SHOC1: variants seen among roughly 807,000 people sequenced by gnomAD.
SHOC1 encodes the protein protein shortage in chiasmata 1 ortholog.
SHOC1 carries 136 observed loss-of-function variants against 179.2 expected under a neutral mutation model. That is an observed-to-expected ratio of 0.76 (90% confidence interval 0.66 to 0.87). SHOC1 has a LOEUF of 0.87. Among genes scored for constraint, SHOC1 ranks in the 40% least tolerant of loss-of-function variants. The pLI, the probability that SHOC1 is intolerant of heterozygous loss-of-function variation, is 0.00. For synonymous variants in SHOC1, 489 were observed against 586.6 expected (o/e 0.83, Z 2.41); for missense variants, 1,538 against 1,700.8 (o/e 0.90, Z 1.68).
chr9:111,773,461 T>C (rs1589465090), intron 5 of SHOC1, among the ~76,000 whole-genome samples: 1 of 151,936 alleles, frequency 6.6e-6, no homozygotes, highest in East Asian at 1.9e-4. Context: ...TACAGGTGCC[T>C]GCCACTACGC....
At chr9:111,757,139 G>A (rs1041731327) in intron 7 of SHOC1, among the ~76,000 whole-genome samples, 6 of 152,006 alleles carry the variant, frequency 3.9e-5, no homozygotes, top group Non-Finnish European at 7.4e-5. Flanking sequence ...ATGGAGTCTC[G>A]CTCTGTCACC....
chr9:111,770,443 G>T (rs528207251), intron 5 of SHOC1, among the ~76,000 whole-genome samples: 1 of 152,180 alleles, frequency 6.6e-6, no homozygotes, highest in South Asian at 2.1e-4. Flanking sequence ...CTAAGATATG[G>T]TCTATTCTGA....
chr9:111,697,214 T>C (rs1831739679), intron 24 of SHOC1, among the ~76,000 whole-genome samples: 1 of 151,806 alleles, frequency 6.6e-6, no homozygotes, highest in Non-Finnish European at 1.5e-5. Flanking sequence ...AATTATACTT[T>C]AAGTTCTAGA....
At chr9:111,687,148 A>G (rs959005203) in intron 27 of SHOC1, among the ~76,000 whole-genome samples, 2 of 151,696 alleles carry the variant, frequency 1.3e-5, no homozygotes, top group African/African-American at 4.8e-5. Context: ...GGGTTTTGCC[A>G]TGTTGGGCAG....
rs747155259 is a variant in SHOC1, at chr9:111,708,192, ATTTTTAT to A, written c.2489-275_2489-269del. On this transcript the variant is annotated intron_variant, in intron 18 of 27. Coordinates refer to ENST00000682961, the MANE Select transcript of SHOC1 (RefSeq NM_001378211.1). ...ATTGATTAAAAACTTATTTTTGTTA[ATTTTTAT>A]TTTTTATTTTTTATTTTTTTTGAGA... 1.3e-4 allele frequency among the ~76,000 whole-genome samples: 20 copies of A among 149,660 alleles called. No individual in the cohort carries two copies. In the South Asian group the frequency reaches 2.7e-3, roughly 20 times the overall value.
chr9:111,757,382 G>A (rs1332032320), intron 7 of SHOC1, among the ~76,000 whole-genome samples: 3 of 152,300 alleles, frequency 2.0e-5, no homozygotes, highest in Admixed American at 6.5e-5. Context: ...GATCACAGGC[G>A]TGAGCCACCG....
chr9:111,704,834 A>G (rs547016708), intron 21 of SHOC1, among the ~76,000 whole-genome samples: 1 of 152,308 alleles, frequency 6.6e-6, no homozygotes, highest in South Asian at 2.1e-4. Flanking sequence ...AAAGTTCTAT[A>G]AACAAGAATA....
At chr9:111,722,923 T>C (rs988007126) in intron 14 of SHOC1, among the ~76,000 whole-genome samples, 14 of 152,116 alleles carry the variant, frequency 9.2e-5, no homozygotes, top group African/African-American at 3.4e-4. Flanking sequence ...TGCCTCAGCC[T>C]CCTGAGTAGC....
chr9:111,749,332 T>C (rs183217765), intron 8 of SHOC1, among the ~76,000 whole-genome samples: 1 of 152,260 alleles, frequency 6.6e-6, no homozygotes, highest in African/African-American at 2.4e-5. Flanking sequence ...TAAGAATTGA[T>C]CTCTCTTTTA....
chr9:111,713,208 G>A lies in SHOC1; in HGVS notation c.2416-36C>T, dbSNP rs1832632435. 9 of 1,140,062 alleles carry A rather than the reference G, an allele frequency of 7.9e-6. No homozygotes were observed. In the South Asian group the frequency reaches 1.3e-4, roughly 17 times the overall value. 70.6% of individuals were successfully genotyped at this position (1,140,062 alleles called of 1,614,324 possible). On this transcript the variant is annotated intron_variant, in intron 17 of 27. Transcript: ENST00000682961. The stretch of plus-strand genomic sequence containing the variant: ...ATAAAAATTTCATATATATGTGGAT[G>A]ATTATTCTTTTTCACAGTTTTGATA...
chr9:111,693,236 C>G (rs1043870821), intron 26 of SHOC1, among the ~76,000 whole-genome samples: 1 of 151,214 alleles, frequency 6.6e-6, no homozygotes, highest in Non-Finnish European at 1.5e-5. Flanking sequence ...AACCCAGGAG[C>G]TGGAGACTGC....
Position 111,693,860 on chromosome 9 carries a change from A to G in SHOC1, c.3404T>C (p.Leu1135Ser). 1.2e-6 allele frequency: 2 copies of G among 1,611,796 alleles called. No homozygotes were observed. Among genetic ancestry groups the G allele is most frequent in the Non-Finnish European group, 1.7e-6 (2 of 1,178,256 alleles). ...LNKGPSLHWILLATLCQLQEL... is the reference protein window; with the variant it reads ...LNKGPSLHWISLATLCQLQEL... Reference sequence around the variant, plus strand: ...CTGAAGTTGACACAGAGTTGCTAATAATATCCAATGCAGTGAAGGTCCTTT... The same window carrying G: ...CTGAAGTTGACACAGAGTTGCTAATGATATCCAATGCAGTGAAGGTCCTTT... Residue 1135 changes from leucine to serine, a missense_variant, in exon 26 of 28, where the codon TTA (leucine) becomes TCA (serine). Leu to Ser is a moderately radical substitution (Grantham distance 145). Transcript: ENST00000682961.
chr9:111,773,504 G>T (rs1835702607), intron 5 of SHOC1, among the ~76,000 whole-genome samples: 1 of 151,980 alleles, frequency 6.6e-6, no homozygotes, highest in Non-Finnish European at 1.5e-5. Flanking sequence ...TAGAGACAGG[G>T]TTTCACCACG....
chr9:111,730,087 T>C (rs552563223), intron 12 of SHOC1, among the ~76,000 whole-genome samples: 1 of 152,282 alleles, frequency 6.6e-6, no homozygotes, highest in South Asian at 2.1e-4. Flanking sequence ...AGTTTTGGCA[T>C]GAGATTGCAG....
At chr9:111,713,841 C>G (rs1445773050) in intron 17 of SHOC1, among the ~76,000 whole-genome samples, 1 of 152,052 alleles carries the variant, frequency 6.6e-6, no homozygotes, top group Non-Finnish European at 1.5e-5. Flanking sequence ...TAATCCAAGG[C>G]ATAAACTAAA....
chr9:111,759,209 T>C, intron 5 of SHOC1: 1 of 1,613,688 alleles, frequency 6.2e-7, no homozygotes, highest in Non-Finnish European at 8.5e-7. Context: ...ATAGAAGTAT[T>C]TGACTTCTGC....
At chr9:111,754,054 A>G (rs566996050) in intron 8 of SHOC1, among the ~76,000 whole-genome samples, 1 of 152,344 alleles carries the variant, frequency 6.6e-6, no homozygotes, top group South Asian at 2.1e-4. Flanking sequence ...CTCATCACAT[A>G]CAAAAAAGTA....
intron 5 of SHOC1, among the ~76,000 whole-genome samples, chr9:111,769,675 G>C (rs1000533739): frequency 6.6e-6 from 1 of 151,994 alleles, no homozygotes; most frequent in Non-Finnish European, 1.5e-5. Flanking sequence ...TCACCATGTT[G>C]CCCAGGCTGG....
rs1345973189 is a variant in SHOC1 at position 111,686,723 on chromosome 9, C to T, written c.*47G>A. ...CTAAATAATTGCGCTAGTGGATTAG[C>T]ATCAAAAACAGTGGAATATGGCATG... On this transcript the variant is annotated 3_prime_UTR_variant, in exon 28 of 28. Transcript: ENST00000682961. The T allele has an allele frequency of 8.4e-7, 1 of 1,192,062 alleles. No individual in the cohort carries two copies. Among genetic ancestry groups the T allele is most frequent in the South Asian group, 1.2e-5 (1 of 81,106 alleles). 73.8% of individuals were successfully genotyped at this position (1,192,062 alleles called of 1,614,324 possible).
Sources: gnomAD v4.1 joint callset for allele counts (sites outside exome capture counted in the v4.1 genomes callset) on GRCh38, gnomAD v4.1.1 for gene constraint, MANE v1.5 for transcripts, NCBI Gene and HGNC (gene_info 2026-07-23, HGNC 2026-07-21) for gene names.